SEPTIN9: variants seen among roughly 807,000 people sequenced by gnomAD.
SEPTIN9 encodes septin-9.
Under a neutral mutation model 56.6 loss-of-function variants are expected in SEPTIN9, and 13 were observed. That is an observed-to-expected ratio of 0.23 (90% confidence interval 0.15 to 0.37). The LOEUF (loss-of-function observed/expected upper bound fraction) is 0.37, where lower values mean the gene tolerates loss of function less well. SEPTIN9 is among the 10% of genes least tolerant of loss of function. SEPTIN9 has a pLI of 1.00. For synonymous variants in SEPTIN9, 332 were observed against 334.1 expected, an observed-to-expected ratio of 0.99 and a Z score of 0.07; for missense variants, 650 against 823.1, an observed-to-expected ratio of 0.79 and a Z score of 2.57.
rs762976032 is a variant in SEPTIN9 at position 77,490,864 on chromosome 17, G to T, written c.1380+5G>T. Reference sequence around the variant, plus strand: ...AGGGTCCACTTCAAACAGCGGGTAGGGTTCCATCTCTACTTGCCCCAGCCC... The same window carrying T: ...AGGGTCCACTTCAAACAGCGGGTAGTGTTCCATCTCTACTTGCCCCAGCCC... On this transcript the variant is annotated splice_donor_5th_base_variant and intron_variant, in intron 8 of 11. Coordinates refer to ENST00000427177, the MANE Select transcript of SEPTIN9 (RefSeq NM_001113491.2). The T allele has an allele frequency of 3.2e-6, 5 of 1,563,080 alleles. No homozygotes were observed. The highest frequency in any genetic ancestry group is 1.2e-5 in the South Asian group (1 of 85,112).
intron 1 of SEPTIN9, among the ~76,000 whole-genome samples, chr17:77,293,051 C>T (rs1427006893): frequency 6.6e-6 from 1 of 152,070 alleles, no homozygotes; most frequent in Non-Finnish European, 1.5e-5. Context: ...AGGTCTCACT[C>T]TGTCACGCAA....
rs1172572828 is a variant in SEPTIN9, at chr17:77,348,294, G to T, written c.76+41097G>T. Among the ~76,000 whole-genome samples the T allele has an allele frequency of 1.9e-3, 174 of 89,706 alleles. 2 individuals are homozygous for T. The South Asian group carries it at 0.032, about 17-fold the overall frequency. 58.9% of individuals were successfully genotyped at this position (89,706 alleles called of 152,430 possible). A position where few individuals can be genotyped will look rare whatever the true frequency, so the allele number is the denominator to read the frequency against. The stretch of plus-strand genomic sequence containing the variant: ...TTTTTAGAATTCTATTTTAATTTAT[G>T]TTTTTTTTTTTTTTTTTTTTTTAAG... On this transcript the variant is annotated intron_variant, in intron 2 of 11. Transcript: ENST00000427177.
intron 3 of SEPTIN9, among the ~76,000 whole-genome samples, chr17:77,480,867 G>A (rs531733279): frequency 2.0e-5 from 3 of 152,288 alleles, no homozygotes; most frequent in East Asian, 3.9e-4. Context: ...GCAGGGCCTG[G>A]ATGGGCCCAA....
chr17:77,466,049 G>A (rs1419278355), intron 3 of SEPTIN9, among the ~76,000 whole-genome samples: 1 of 122,592 alleles, frequency 8.2e-6, no homozygotes, highest in African/African-American at 3.2e-5. Context: ...CATGTTTCTG[G>A]ACTGTCACAC....
At chr17:77,293,019 T>TTTAC (rs2031639869) in intron 1 of SEPTIN9, among the ~76,000 whole-genome samples, 1 of 151,688 alleles carries the variant, frequency 6.6e-6, no homozygotes, top group Non-Finnish European at 1.5e-5. Flanking sequence ...TATTTATTTA[T>TTTAC]TTATTTATTT....
At chr17:77,356,861 G>A (rs1015459424) in intron 2 of SEPTIN9, among the ~76,000 whole-genome samples, 2 of 149,384 alleles carry the variant, frequency 1.3e-5, no homozygotes, top group African/African-American at 5.0e-5. Flanking sequence ...AAAGGCTCAT[G>A]CAGGCTGGCT....
At position 77,456,932 on chromosome 17, in the gene SEPTIN9, AC is replaced by A. The variant is rs1245219937; in HGVS notation, c.722-25209del. ...CCAGGTCTCAGGGACCAGCGCTGGG[AC>A]CCTGGATGACTGAAGGAGGGCACGG... On this transcript the variant is annotated intron_variant, in intron 3 of 11. Coordinates refer to ENST00000427177, the MANE Select transcript of SEPTIN9 (RefSeq NM_001113491.2). The surrounding 1 kb of genome is among the most constrained non-coding windows in gnomAD (Gnocchi z 6.0). Among the ~76,000 whole-genome samples the A allele has an allele frequency of 6.6e-6, 1 of 152,172 alleles. No homozygotes were observed. The highest frequency in any genetic ancestry group is 6.5e-5 in the Admixed American group (1 of 15,270).
At chr17:77,454,532 AC>A in intron 3 of SEPTIN9, 1 of 235,568 alleles carries the variant, frequency 4.2e-6, no homozygotes, top group Non-Finnish European at 6.9e-6. Context: ...TCTCGCCCCC[AC>A]CCAGGAAGCA....
rs1568121044 is a variant in SEPTIN9, at chr17:77,492,578, C to T, written c.1381-43C>T. 1 of 1,570,552 alleles carries T rather than the reference C, an allele frequency of 6.4e-7. No individual in the cohort carries two copies. On this transcript the variant is annotated intron_variant, in intron 8 of 11. Coordinates refer to ENST00000427177, the MANE Select transcript of SEPTIN9 (RefSeq NM_001113491.2). The surrounding 1 kb of genome is among the most constrained non-coding windows in gnomAD (Gnocchi z 5.4). ...GGCAAACACCAGTGGGTGGGTAGAG[C>T]TTGCCACAGGGATGGGCCCATCTCT... is the stretch of plus-strand genomic sequence containing the variant.
In SEPTIN9 at chr17:77,455,721, G is replaced by A. The variant is rs368830963; in HGVS notation, c.722-26423G>A. 2.2e-3 allele frequency among the ~76,000 whole-genome samples: 339 copies of A among 152,302 alleles called. 10 individuals carry two copies. In the South Asian group the frequency reaches 0.055, roughly 25 times the overall value. On this transcript the variant is annotated intron_variant, in intron 3 of 11. Transcript: ENST00000427177. ...ACGGACATGAGGATTGTGTCTTGTC[G>A]ATCCACGTCCTGAGTTCCCAGACGT...
intron 2 of SEPTIN9, among the ~76,000 whole-genome samples, chr17:77,377,661 T>C (rs1466515345): frequency 6.6e-6 from 1 of 152,066 alleles, no homozygotes; most frequent in Admixed American, 6.6e-5. Flanking sequence ...GGAAGGACCA[T>C]GTGGATATGC....
intron 1 of SEPTIN9, among the ~76,000 whole-genome samples, chr17:77,302,931 C>T (rs913174381): frequency 6.6e-6 from 1 of 152,066 alleles, no homozygotes; most frequent in Non-Finnish European, 1.5e-5. Context: ...TAGGCTCACC[C>T]TTTCCTCTCC....
chr17:77,485,773 C>G (rs930672812), intron 4 of SEPTIN9, among the ~76,000 whole-genome samples: 8 of 152,008 alleles, frequency 5.3e-5, no homozygotes, highest in African/African-American at 1.9e-4. Context: ...CTCTGTCCTC[C>G]CAGGAGCCCA....
intron 2 of SEPTIN9, among the ~76,000 whole-genome samples, chr17:77,343,169 T>G (rs572592035): frequency 2.0e-5 from 3 of 152,324 alleles, no homozygotes; most frequent in African/African-American, 4.8e-5. Context: ...AGCCTGGGGA[T>G]AAGGGCTGGT....
At chr17:77,482,905 C>T (rs1003755699) in intron 4 of SEPTIN9, 1 of 260,732 alleles carries the variant, frequency 3.8e-6, no homozygotes, top group Non-Finnish European at 7.4e-6. Flanking sequence ...CCTGTTGTTT[C>T]CAAAGCCCCC....
rs1175545439 is a variant in SEPTIN9 at position 77,445,774 on chromosome 17, G to T, written c.722-36370G>T. The T allele has an allele frequency of 3.9e-6, 1 of 253,268 alleles. No individual in the cohort carries two copies. The highest frequency in any genetic ancestry group is 8.5e-6 in the Non-Finnish European group (1 of 117,214). The allele number at this position is 253,268 out of a possible 1,614,324, so 15.7% of individuals were successfully genotyped here. A position where few individuals can be genotyped will look rare whatever the true frequency, so the allele number is the denominator to read the frequency against. ...GCTGTGGGATAGGCTGGCCAATGGTGCTCCCTCCCCTGTGACCCTTCTGTT... is the reference window on the plus strand; with the variant it reads ...GCTGTGGGATAGGCTGGCCAATGGTTCTCCCTCCCCTGTGACCCTTCTGTT... On this transcript the variant is annotated intron_variant, in intron 3 of 11. Coordinates refer to ENST00000427177, the MANE Select transcript of SEPTIN9 (RefSeq NM_001113491.2). This position sits in a 1 kb window ranked among gnomAD's most constrained non-coding sequence, Gnocchi z 4.7.
intron 3 of SEPTIN9, among the ~76,000 whole-genome samples, chr17:77,424,821 C>T (rs2036838870): frequency 6.6e-6 from 1 of 152,194 alleles, no homozygotes; most frequent in Non-Finnish European, 1.5e-5. Flanking sequence ...GCCATGCTGA[C>T]TGGCGGTCGC....
At chr17:77,448,743 T>C (rs1170943326) in intron 3 of SEPTIN9, among the ~76,000 whole-genome samples, 3 of 152,184 alleles carry the variant, frequency 2.0e-5, no homozygotes, top group Non-Finnish European at 4.4e-5. Context: ...AAAATTAATA[T>C]CACCTGTTCT....
intron 3 of SEPTIN9, among the ~76,000 whole-genome samples, chr17:77,461,418 C>T (rs917721840): frequency 5.3e-5 from 8 of 152,104 alleles, no homozygotes; most frequent in Admixed American, 1.3e-4. Flanking sequence ...GGCTGAGGAC[C>T]GCCCCCACCC....
Sources: allele counts gnomAD v4.1 joint callset (sites outside exome capture counted in the v4.1 genomes callset), GRCh38; gene constraint gnomAD v4.1.1; non-coding constraint Gnocchi (gnomAD v3.1); transcripts MANE v1.5; gene names NCBI Gene and HGNC (gene_info 2026-07-23, HGNC 2026-07-21).